Variants in PLCL2 observed in about 807,000 individuals in gnomAD.
PLCL2 encodes phospholipase C like 2.
PLCL2 carries 4 observed loss-of-function variants against 79.6 expected under a neutral mutation model. The observed-to-expected ratio is 0.05, with a 90% CI of 0.02 to 0.11. The LOEUF is 0.11. Among genes scored for constraint, PLCL2 ranks in the 10% least tolerant of loss-of-function variants. PLCL2 has a pLI of 1.00. For missense variants in PLCL2, 895 were observed against 1,291.0 expected, an observed-to-expected ratio of 0.69 and a Z score of 4.70; for synonymous variants, 484 against 457.7, an observed-to-expected ratio of 1.06 and a Z score of -0.73.
chr3:16,900,649 A>G lies in PLCL2; in HGVS notation c.327+15283A>G, dbSNP rs772206329. On this transcript the variant is annotated intron_variant, in intron 1 of 5. Coordinates refer to ENST00000615277, the MANE Select transcript of PLCL2 (RefSeq NM_001144382.2). ...TATGCTAATAACACCTCATATTTGC[A>G]TAGCTCTTTCATCCCTGCAAGACCA... Among the ~76,000 whole-genome samples, 74 of 152,248 alleles carry G rather than the reference A, an allele frequency of 4.9e-4. 1 individual carries two copies. Among genetic ancestry groups the G allele is most frequent in the Non-Finnish European group, 9.3e-4 (63 of 68,042 alleles).
chr3:16,945,973 ACATCGGAT>A (rs2063596460), intron 1 of PLCL2, among the ~76,000 whole-genome samples: 2 of 152,140 alleles, frequency 1.3e-5, no homozygotes, highest in Admixed American at 1.3e-4. Flanking sequence ...TTCCACCATC[ACATCGGAT>A]CCCTTTGTTA....
intron 3 of PLCL2, among the ~76,000 whole-genome samples, chr3:17,027,624 TCTTTC>T (rs2064531463): frequency 1.3e-5 from 2 of 152,324 alleles, no homozygotes; most frequent in African/African-American, 4.8e-5. Context: ...ACTTTCTCTT[TCTTTC>T]TTTTCTCTTT....
At chr3:16,891,627 A>G (rs1300702076) in intron 1 of PLCL2, among the ~76,000 whole-genome samples, 1 of 152,224 alleles carries the variant, frequency 6.6e-6, no homozygotes, top group Non-Finnish European at 1.5e-5. Flanking sequence ...TGTGCCAAGC[A>G]CCCACATGTC....
At chr3:16,929,038 A>G (rs1697326716) in intron 1 of PLCL2, among the ~76,000 whole-genome samples, 1 of 151,954 alleles carries the variant, frequency 6.6e-6, no homozygotes, top group Admixed American at 6.6e-5. Context: ...TTGCTGCACA[A>G]GAGACTTGGA....
At chr3:16,980,846 A>G (rs1209427901) in intron 1 of PLCL2, among the ~76,000 whole-genome samples, 4 of 152,206 alleles carry the variant, frequency 2.6e-5, no homozygotes. Context: ...CCTGGGCACC[A>G]TTGAGCACTG....
chr3:16,891,797 G>A (rs1696357145), intron 1 of PLCL2, among the ~76,000 whole-genome samples: 1 of 152,142 alleles, frequency 6.6e-6, no homozygotes, highest in African/African-American at 2.4e-5. Flanking sequence ...ACCTATGCTG[G>A]AGCCCCATGA....
intron 1 of PLCL2, among the ~76,000 whole-genome samples, chr3:16,919,049 T>C (rs1400928470): frequency 6.6e-6 from 1 of 152,194 alleles, no homozygotes; most frequent in Non-Finnish European, 1.5e-5. Flanking sequence ...TTAACCATAA[T>C]ACTTCGTTGT....
At chr3:17,073,244 A>C (rs2065077844) in intron 5 of PLCL2, among the ~76,000 whole-genome samples, 1 of 152,242 alleles carries the variant, frequency 6.6e-6, no homozygotes, top group South Asian at 2.1e-4. Context: ...AAATATCACA[A>C]TAAAGTGAGT....
intron 4 of PLCL2, among the ~76,000 whole-genome samples, chr3:17,060,212 C>G (rs1267457216): frequency 6.6e-6 from 1 of 152,158 alleles, no homozygotes; most frequent in Non-Finnish European, 1.5e-5. Flanking sequence ...TAGATCTACC[C>G]AGATGGAAAG....
chr3:16,990,918 G>A, intron 1 of PLCL2, among the ~76,000 whole-genome samples: 1 of 152,180 alleles, frequency 6.6e-6, no homozygotes, highest in East Asian at 1.9e-4. Context: ...GCCACCCAAA[G>A]GTTGTCAACA....
intron 1 of PLCL2, among the ~76,000 whole-genome samples, chr3:16,936,518 T>A (rs576448991): frequency 6.7e-6 from 1 of 148,814 alleles, no homozygotes; most frequent in African/African-American, 2.5e-5. Context: ...CCAGATTGTT[T>A]AAAAAAAAAA....
chr3:16,922,995 T>A (rs946398692), intron 1 of PLCL2, among the ~76,000 whole-genome samples: 1 of 152,192 alleles, frequency 6.6e-6, no homozygotes, highest in African/African-American at 2.4e-5. Context: ...CTATAATACA[T>A]ATTTAAAATA....
At chr3:17,041,487 T>A (rs2064720990) in intron 3 of PLCL2, among the ~76,000 whole-genome samples, 1 of 152,220 alleles carries the variant, frequency 6.6e-6, no homozygotes, top group African/African-American at 2.4e-5. Context: ...CTGACTAAGC[T>A]TAAGAAGCTA....
At chr3:17,008,978 T>A (rs2064291929) in intron 1 of PLCL2, among the ~76,000 whole-genome samples, 1 of 151,204 alleles carries the variant, frequency 6.6e-6, no homozygotes, top group Non-Finnish European at 1.5e-5. Context: ...CCACCATATC[T>A]GGCTAATTAA....
chr3:17,004,909 A>C (rs983768743), intron 1 of PLCL2, among the ~76,000 whole-genome samples: 3 of 152,088 alleles, frequency 2.0e-5, no homozygotes, highest in Admixed American at 2.0e-4. Flanking sequence ...TTTATATTTC[A>C]GATTAAATAA....
At chr3:16,926,487 A>G (rs2124939201) in intron 1 of PLCL2, among the ~76,000 whole-genome samples, 1 of 152,296 alleles carries the variant, frequency 6.6e-6, no homozygotes. Flanking sequence ...TATTGTTATT[A>G]TTATTACTGT....
At chr3:17,049,823 A>C (rs2064820216) in intron 4 of PLCL2, among the ~76,000 whole-genome samples, 1 of 151,878 alleles carries the variant, frequency 6.6e-6, no homozygotes, top group Non-Finnish European at 1.5e-5. Flanking sequence ...TGGAAATTGA[A>C]AAAAAAAATC....
chr3:16,950,840 T>G (rs138305188), intron 1 of PLCL2, among the ~76,000 whole-genome samples: 150 of 152,280 alleles, frequency 9.9e-4, no homozygotes, highest in Non-Finnish European at 1.3e-3. Flanking sequence ...CTTCATAGAT[T>G]TTTTTCTCTT....
At chr3:16,930,969 T>C (rs1209844892) in intron 1 of PLCL2, among the ~76,000 whole-genome samples, 1 of 152,132 alleles carries the variant, frequency 6.6e-6, no homozygotes, top group African/African-American at 2.4e-5. Flanking sequence ...TTCTATTTTT[T>C]CCTCTGTAAA....
Sources: gnomAD v4.1 joint callset for allele counts (sites outside exome capture counted in the v4.1 genomes callset) on GRCh38, gnomAD v4.1.1 for gene constraint, MANE v1.5 for transcripts, NCBI Gene and HGNC (gene_info 2026-07-23, HGNC 2026-07-21) for gene names.